Variants in HEG1 observed in about 807,000 individuals in gnomAD.
HEG1 encodes heart development protein with EGF like domains 1.
HEG1 carries 56 observed loss-of-function variants against 125.6 expected under a neutral mutation model. The ratio of observed to expected loss-of-function variants is 0.45; its 90% CI spans 0.36 to 0.56. HEG1 has a LOEUF of 0.56. Among genes scored for constraint, HEG1 ranks in the 20% least tolerant of loss-of-function variants. The pLI is 0.00. For missense variants in HEG1, 1,523 were observed against 1,670.0 expected (o/e 0.91, Z 1.53); for synonymous variants, 644 against 668.5 (o/e 0.96, Z 0.57).
chr3:125,011,740 C>T (rs1232451015), intron 6 of HEG1, among the ~76,000 whole-genome samples: 2 of 152,316 alleles, frequency 1.3e-5, no homozygotes, highest in Admixed American at 1.3e-4. Flanking sequence ...CACTACAAAG[C>T]ATCATCTCTT....
At chr3:125,054,487 C>T (rs1007133051) in intron 1 of HEG1, among the ~76,000 whole-genome samples, 3 of 152,210 alleles carry the variant, frequency 2.0e-5, no homozygotes, top group African/African-American at 7.2e-5. Flanking sequence ...AGCTAATTCA[C>T]GTGCCAGAAA....
chr3:125,006,769 A>C (rs1937076647), intron 8 of HEG1, among the ~76,000 whole-genome samples: 1 of 152,238 alleles, frequency 6.6e-6, no homozygotes, highest in African/African-American at 2.4e-5. Flanking sequence ...GATGATTGTG[A>C]AGGCGATAGT....
At chr3:124,993,442 T>A (rs1454349935) in intron 12 of HEG1, among the ~76,000 whole-genome samples, 1 of 152,276 alleles carries the variant, frequency 6.6e-6, no homozygotes, top group Non-Finnish European at 1.5e-5. Flanking sequence ...CTCACTCAGG[T>A]GGGGCCTTCT....
chr3:124,975,714 TTAATC>T (rs2107686458), intron 15 of HEG1, among the ~76,000 whole-genome samples: 1 of 152,304 alleles, frequency 6.6e-6, no homozygotes, highest in African/African-American at 2.4e-5. Flanking sequence ...TAGACAACCA[TTAATC>T]TACTTTCCAA....
At chr3:125,044,556 C>T (rs1359112625) in intron 1 of HEG1, among the ~76,000 whole-genome samples, 6 of 152,072 alleles carry the variant, frequency 3.9e-5, no homozygotes, top group East Asian at 1.9e-4. Flanking sequence ...GAGGTCCTCC[C>T]GTTATTATCC....
intron 1 of HEG1, among the ~76,000 whole-genome samples, chr3:125,031,676 TACATAC>T (rs1350921579): frequency 1.7e-5 from 2 of 117,148 alleles, no homozygotes; most frequent in South Asian, 3.7e-4. Flanking sequence ...CACACATACA[TACATAC>T]ACACACACAC....
At chr3:124,972,036 C>T (rs758494787) in intron 16 of HEG1, 3 of 152,196 alleles carry the variant, frequency 2.0e-5, no homozygotes, top group Non-Finnish European at 1.5e-5. Context: ...GTCAAGCAAT[C>T]CCCCGATCTT....
At chr3:124,982,790 A>G (rs1936675950) in intron 14 of HEG1, among the ~76,000 whole-genome samples, 1 of 152,108 alleles carries the variant, frequency 6.6e-6, no homozygotes, top group African/African-American at 2.4e-5. Context: ...GACATGTAAC[A>G]CCATCCCCTG....
In HEG1 at chr3:125,012,742, G is replaced by A. The variant is rs755679444; in HGVS notation, c.2837C>T (p.Thr946Ile). ...EYSPASRSLG[T>I]SPSPQTTVVS... ...AACTGTGGTTTGGGGAGAAGGAGAT[G>A]TTCCGAGGGAACGTGAAGCTGGGCT... The change falls in exon 6 of 17, where the codon ACA becomes ATA. Residue 946 changes from threonine to isoleucine, a missense_variant. Transcript: ENST00000311127. 1 of 1,614,040 alleles carries A rather than the reference G, an allele frequency of 6.2e-7. No individual in the cohort carries two copies. The highest frequency in any genetic ancestry group is 1.1e-5 in the South Asian group (1 of 91,082).
At chr3:124,997,537 A>T (rs2107694383) in intron 12 of HEG1, among the ~76,000 whole-genome samples, 152 bp downstream of exon 12, 1 of 152,372 alleles carries the variant, frequency 6.6e-6, no homozygotes, top group South Asian at 2.1e-4. Context: ...TAATGTATTC[A>T]ATCCTGCCAC....
chr3:125,038,512 C>T (rs1032675653), intron 1 of HEG1, among the ~76,000 whole-genome samples: 1 of 152,244 alleles, frequency 6.6e-6, no homozygotes, highest in Non-Finnish European at 1.5e-5. Flanking sequence ...ACCCCTACTG[C>T]CACTGGAGGT....
rs376539095 is a variant in HEG1 at position 125,019,373 on chromosome 3, C to G, written c.1477G>C (p.Val493Leu). Residue 493 changes from valine to leucine, a missense_variant, in exon 5 of 17, where the codon GTA becomes CTA. Val to Leu is a conservative substitution (Grantham distance 32). Transcript: ENST00000311127. Reference protein sequence around the residue: ...SVLTQFSDSTVQSGGSHTALG... With the variant: ...SVLTQFSDSTLQSGGSHTALG... ...GCTGTGTGACTTCCTCCAGACTGTA[C>G]AGTAGAGTCTGAGAACTGGGTCAAC... 1.2e-5 allele frequency: 20 copies of G among 1,614,004 alleles called. No individual in the cohort carries two copies. The South Asian group carries it at 1.8e-4, about 14-fold the overall frequency.
At chr3:124,980,527 T>A (rs1936629307) in intron 14 of HEG1, among the ~76,000 whole-genome samples, 1 of 152,298 alleles carries the variant, frequency 6.6e-6, no homozygotes. Context: ...TTTTATTTTT[T>A]TTTTATTTTT....
At chr3:125,024,803 C>T (rs780058418) in intron 3 of HEG1, among the ~76,000 whole-genome samples, 5 of 152,232 alleles carry the variant, frequency 3.3e-5, no homozygotes, top group Admixed American at 6.5e-5. Flanking sequence ...ATCATAGATG[C>T]TGAAACTAGA....
In HEG1 at chr3:125,012,665, T is replaced by C. The variant is rs1391394879; in HGVS notation, c.2914A>G (p.Ser972Gly). Reference protein sequence around the residue: ...APKSATFAVQSSTQSPTTVSS... With the variant: ...APKSATFAVQGSTQSPTTVSS... ...ACTGTTGTTGGTGACTGTGTGCTGC[T>C]CTGAACAGCAAAGGTGGCAGATTTG... is the stretch of plus-strand genomic sequence containing the variant. The change falls in exon 6 of 17, where the codon AGC becomes GGC. Residue 972 changes from serine to glycine, a missense_variant. Transcript: ENST00000311127. The C allele has an allele frequency of 1.2e-6, 2 of 1,613,834 alleles. No individual in the cohort carries two copies.
intron 1 of HEG1, among the ~76,000 whole-genome samples, chr3:125,047,261 A>C (rs938994882): frequency 6.6e-6 from 1 of 152,244 alleles, no homozygotes; most frequent in Non-Finnish European, 1.5e-5. Context: ...CTGTCAACAC[A>C]ATGACCAGTG....
Position 125,029,470 on chromosome 3 carries a change from C to G in HEG1, c.335G>C (p.Trp112Ser). The change falls in exon 2 of 17, where the codon TGG (tryptophan) becomes TCG (serine). Residue 112 changes from tryptophan (W) to serine (S), a missense_variant. Physicochemically the swap from Trp to Ser is radical, Grantham distance 177. Transcript: ENST00000311127. ...ATGGGCCTCAGTGTTACTTTCTGGC[C>G]AATGTTTCCAGGCAGCATCTGAAAG... ...GGSADAAWKH[W>S]PESNTEAHVE... The G allele has an allele frequency of 6.3e-7, 1 of 1,594,626 alleles. No individual in the cohort carries two copies.
At chr3:125,014,104 A>C in intron 5 of HEG1, 114 bp from the exon 6 acceptor site, 1 of 983,004 alleles carries the variant, frequency 1.0e-6, no homozygotes, top group Non-Finnish European at 1.5e-6. Context: ...AGTGGGTGAA[A>C]CACTTGCTTT....
rs770910213 is a variant in HEG1 at position 125,013,967 on chromosome 3, C to T, written c.1612G>A (p.Val538Met). The T allele has an allele frequency of 3.7e-6, 6 of 1,610,544 alleles. No individual in the cohort carries two copies. Among genetic ancestry groups the T allele is most frequent in the Non-Finnish European group, 5.1e-6 (6 of 1,178,806 alleles). The change falls in exon 6 of 17, where the codon GTG becomes ATG. Residue 538 changes from valine (V) to methionine (M), a missense_variant. Val to Met is a conservative substitution (Grantham distance 21, BLOSUM62 1). Transcript: ENST00000311127. ...CTTTGTTCAATAGCTGTGCCACGCA[C>T]TTGACCGTAGCTAATCCCAGCGACT... The part of the protein sequence containing the change: ...RSIAGISYGQ[V>M]RGTAIEQRTS...
Sources: gnomAD v4.1 joint callset for allele counts (sites outside exome capture counted in the v4.1 genomes callset) on GRCh38, gnomAD v4.1.1 for gene constraint, MANE v1.5 for transcripts, NCBI Gene and HGNC (gene_info 2026-07-23, HGNC 2026-07-21) for gene names.